The following MAOB variants were observed in gnomAD, a reference collection of about 807,000 sequenced individuals.
MAOB encodes amine oxidase [flavin-containing] B.
A neutral mutation model predicts 41.9 loss-of-function variants in MAOB; 15 were observed. The ratio of observed to expected loss-of-function variants is 0.36; its 90% CI spans 0.24 to 0.55. MAOB has a LOEUF of 0.55. MAOB is among the 20% of genes least tolerant of loss of function. The probability of loss-of-function intolerance (pLI) is 0.86; values close to 1 mark genes in which losing one functional copy is unlikely to be tolerated. For synonymous variants in MAOB, 167 were observed against 144.2 expected (o/e 1.16, Z -1.13); for missense variants, 345 against 398.7 (o/e 0.87, Z 1.15).
At chrX:43,845,428 T>G (rs2147167300) in intron 1 of MAOB, among the ~76,000 whole-genome samples, 1 of 112,217 alleles carries the variant, frequency 8.9e-6, no homozygotes, top group South Asian at 3.7e-4. Context: ...TTATACTGGG[T>G]TCTAAGTGTT....
intron 8 of MAOB, among the ~76,000 whole-genome samples, chrX:43,782,557 G>A (rs1439942736): frequency 9.0e-6 from 1 of 111,498 alleles, no homozygotes; most frequent in Non-Finnish European, 1.9e-5. Flanking sequence ...AATTCTACCA[G>A]AGGTACAAAG....
chrX:43,782,479 T>C (rs775093576), intron 8 of MAOB, among the ~76,000 whole-genome samples: 3 of 111,099 alleles, frequency 2.7e-5, no homozygotes, highest in Non-Finnish European at 5.7e-5. Flanking sequence ...GAACAAGTTT[T>C]GAAATTGAGG....
At position 43,795,625 on chromosome X, in the gene MAOB, C is replaced by G; in HGVS notation, c.768+114G>C. On this transcript the variant is annotated intron_variant, in intron 7 of 14. Transcript: ENST00000378069. ...CCTGAAGCTACCTAGGGGCTGCCAG[C>G]CATCAATCATTGGCATCAAAGGACA... 6 of 622,879 alleles carry G rather than the reference C, an allele frequency of 9.6e-6. No individual in the cohort carries two copies. In the East Asian group the frequency reaches 1.7e-4, roughly 17 times the overall value. The allele number at this position is 622,879 out of a possible 1,213,427, so 51.3% of individuals were successfully genotyped here. A position where few individuals can be genotyped will look rare whatever the true frequency, so the allele number is the denominator to read the frequency against.
intron 1 of MAOB, among the ~76,000 whole-genome samples, chrX:43,874,162 G>A (rs1353958172): frequency 1.8e-5 from 2 of 111,718 alleles, no homozygotes; most frequent in African/African-American, 6.5e-5. Context: ...AACTTTGGAG[G>A]GAAGTTTGCA....
intron 1 of MAOB, among the ~76,000 whole-genome samples, chrX:43,867,896 A>C (rs1391704051): frequency 8.9e-6 from 1 of 112,442 alleles, no homozygotes; most frequent in Non-Finnish European, 1.9e-5. Context: ...AAATGATGCT[A>C]AAATTTATAT....
At chrX:43,791,022 G>A (rs1199214206) in intron 8 of MAOB, among the ~76,000 whole-genome samples, 1 of 111,675 alleles carries the variant, frequency 9.0e-6, no homozygotes, top group Non-Finnish European at 1.9e-5. Flanking sequence ...TGGGTGGCCT[G>A]GGTCACAAGA....
chrX:43,881,376 T>A (rs1279769267), intron 1 of MAOB, among the ~76,000 whole-genome samples: 1 of 112,978 alleles, frequency 8.9e-6, no homozygotes, highest in Admixed American at 9.3e-5. Flanking sequence ...CTAGGCAGCG[T>A]TAGGAGGTGG....
chrX:43,820,538 A>G (rs2034868368), intron 3 of MAOB, among the ~76,000 whole-genome samples: 1 of 112,175 alleles, frequency 8.9e-6, no homozygotes, highest in Admixed American at 9.5e-5. Flanking sequence ...CAGCTTCACC[A>G]TAATCATCGC....
chrX:43,856,850 G>GAGA (rs1327861393), intron 1 of MAOB, among the ~76,000 whole-genome samples: 1 of 108,227 alleles, frequency 9.2e-6, no homozygotes, highest in Non-Finnish European at 1.9e-5. Context: ...GACAGAGACA[G>GAGA]AGAAAATCCA....
At chrX:43,806,402 C>G (rs1338917029) in intron 3 of MAOB, among the ~76,000 whole-genome samples, 4 of 111,793 alleles carry the variant, frequency 3.6e-5, no homozygotes, top group African/African-American at 1.3e-4. Context: ...TTGGATCTGT[C>G]TGAAGTTACT....
In MAOB at chrX:43,802,236, G is replaced by A. The variant is rs1440909955; in HGVS notation, c.412C>T (p.Pro138Ser). The A allele has an allele frequency of 5.8e-6, 7 of 1,205,137 alleles. No homozygotes were observed. Among genetic ancestry groups the A allele is most frequent in the Non-Finnish European group, 7.9e-6 (7 of 890,545 alleles). The change falls in exon 5 of 15, where the codon CCC becomes TCC. Residue 138 changes from proline (P) to serine (S), a missense_variant. Transcript: ENST00000378069. Reference protein sequence around the residue: ...EIPSDAPWKAPLAEEWDNMTM... With the variant: ...EIPSDAPWKASLAEEWDNMTM... ...ATGTTGTCCCACTCTTCTGCAAGGGGAGCCTTCCATGGGGCATCACTCGGA... is the reference window on the plus strand; with the variant it reads ...ATGTTGTCCCACTCTTCTGCAAGGGAAGCCTTCCATGGGGCATCACTCGGA...
intron 4 of MAOB, among the ~76,000 whole-genome samples, 188 bp downstream of exon 4, chrX:43,803,112 A>G (rs1383941994): frequency 1.8e-5 from 2 of 111,967 alleles, no homozygotes; most frequent in Non-Finnish European, 3.8e-5. Context: ...TCAGTAGTAT[A>G]CAAATATCAA....
intron 12 of MAOB, 143 bp downstream of exon 12, chrX:43,775,032 T>C (rs2034234624): frequency 1.1e-6 from 1 of 890,538 alleles, no homozygotes; most frequent in Admixed American, 5.6e-5. Context: ...ATTTCATTCA[T>C]AAGATACAAA....
At chrX:43,839,686 C>T (rs2035110537) in intron 2 of MAOB, among the ~76,000 whole-genome samples, 1 of 111,877 alleles carries the variant, frequency 8.9e-6, no homozygotes, top group Non-Finnish European at 1.9e-5. Context: ...ACTTACCCTT[C>T]AAAAATGCAA....
At chrX:43,815,265 T>G (rs1219225569) in intron 3 of MAOB, among the ~76,000 whole-genome samples, 1 of 112,234 alleles carries the variant, frequency 8.9e-6, no homozygotes, top group Non-Finnish European at 1.9e-5. Context: ...TAAGTGTTTA[T>G]TTGATCAAAT....
At chrX:43,872,024 T>A (rs1162106500) in intron 1 of MAOB, among the ~76,000 whole-genome samples, 1 of 111,968 alleles carries the variant, frequency 8.9e-6, no homozygotes, top group Non-Finnish European at 1.9e-5. Flanking sequence ...TTTATCTAGA[T>A]GGGTAAAAAT....
chrX:43,767,387 A>AGCCAGTCC lies in MAOB; in HGVS notation c.*78_*79insGGACTGGC. On this transcript the variant is annotated 3_prime_UTR_variant, in exon 15 of 15. Transcript: ENST00000378069. The stretch of plus-strand genomic sequence containing the variant: ...CACTCCACACTATTTGTCTTCATGG[A>AGCCAGTCC]ACTTTACTGCAACTCTTTCCCCAAA... The AGCCAGTCC allele has an allele frequency of 9.9e-7, 1 of 1,014,176 alleles. No individual in the cohort carries two copies. Among genetic ancestry groups the AGCCAGTCC allele is most frequent in the Admixed American group, 2.7e-5 (1 of 37,579 alleles). The allele number at this position is 1,014,176 out of a possible 1,213,427, so 83.6% of individuals were successfully genotyped here.
intron 3 of MAOB, chrX:43,838,035 T>G (rs938373905): frequency 6.1e-6 from 2 of 326,329 alleles, no homozygotes; most frequent in African/African-American, 2.7e-5. Flanking sequence ...CAGGGGATGC[T>G]TTGATCTAAG....
intron 2 of MAOB, 65 bp downstream of exon 2, chrX:43,843,605 A>G (rs2035166773): frequency 2.8e-6 from 3 of 1,074,178 alleles, no homozygotes. Context: ...GGGGAAAAAG[A>G]CAAAAATGAA....
Sources: gnomAD v4.1 joint callset for allele counts (sites outside exome capture counted in the v4.1 genomes callset) on GRCh38, gnomAD v4.1.1 for gene constraint, MANE v1.5 for transcripts, NCBI Gene and HGNC (gene_info 2026-07-23, HGNC 2026-07-21) for gene names.